The following POLR3B variants were observed in gnomAD, a reference collection of about 807,000 sequenced individuals.
The protein encoded by POLR3B is DNA-directed RNA polymerase III subunit RPC2.
In POLR3B, 96 loss-of-function variants were observed where a neutral mutation model predicts 147.4. That is an observed-to-expected ratio of 0.65 (90% CI 0.55 to 0.77). The LOEUF (loss-of-function observed/expected upper bound fraction) is 0.77, where lower values mean the gene tolerates loss of function less well. POLR3B is among the 30% of genes least tolerant of loss of function. POLR3B has a pLI of 0.00. For missense variants in POLR3B, 1,036 were observed against 1,413.5 expected, an observed-to-expected ratio of 0.73 and a Z score of 4.28; for synonymous variants, 461 against 485.9, an observed-to-expected ratio of 0.95 and a Z score of 0.67.
At chr12:106,490,582 CAACAACA>C in intron 23 of POLR3B, among the ~76,000 whole-genome samples, 1 of 152,148 alleles carries the variant, frequency 6.6e-6, no homozygotes, top group Non-Finnish European at 1.5e-5. Flanking sequence ...GGAAATGATT[CAACAACA>C]GAACAAAGCC....
intron 23 of POLR3B, among the ~76,000 whole-genome samples, chr12:106,490,684 C>T (rs1284946639): frequency 6.6e-6 from 1 of 151,984 alleles, no homozygotes; most frequent in African/African-American, 2.4e-5. Flanking sequence ...GAGGTTAATT[C>T]GATAGCTGGA....
chr12:106,376,534 A>G (rs2036681795), intron 7 of POLR3B, 84 bp downstream of exon 7: 1 of 969,612 alleles, frequency 1.0e-6, no homozygotes, highest in Non-Finnish European at 1.6e-6. Flanking sequence ...TGTCTCAAAA[A>G]CAGTACCAGC....
chr12:106,387,252 T>C (rs1020557191), intron 9 of POLR3B, among the ~76,000 whole-genome samples: 1 of 152,256 alleles, frequency 6.6e-6, no homozygotes, highest in Non-Finnish European at 1.5e-5. Context: ...TTCCCTGTTA[T>C]GAATCTGCAT....
intron 23 of POLR3B, among the ~76,000 whole-genome samples, chr12:106,469,775 G>A (rs1166983976): frequency 6.6e-6 from 1 of 152,164 alleles, no homozygotes; most frequent in Non-Finnish European, 1.5e-5. Context: ...TTGAATATTG[G>A]CGCCTACTCT....
At chr12:106,384,374 A>G (rs1404700583) in intron 9 of POLR3B, among the ~76,000 whole-genome samples, 1 of 152,256 alleles carries the variant, frequency 6.6e-6, no homozygotes, top group African/African-American at 2.4e-5. Context: ...GTTGATCCTC[A>G]GTATTTGCAA....
At chr12:106,478,760 T>C (rs891630389) in intron 23 of POLR3B, among the ~76,000 whole-genome samples, 11 of 152,216 alleles carry the variant, frequency 7.2e-5, no homozygotes, top group South Asian at 2.1e-4. Flanking sequence ...ATGCACATGG[T>C]TTTAAAAGGT....
intron 20 of POLR3B, 124 bp from the exon 21 acceptor site, chr12:106,457,014 T>C: frequency 1.3e-6 from 1 of 793,810 alleles, no homozygotes; most frequent in South Asian, 1.4e-5. Flanking sequence ...TATTATCAAA[T>C]ACAGAGAAGT....
chr12:106,371,263 G>A lies in POLR3B; in HGVS notation c.404+1580G>A, dbSNP rs138348206. Among the ~76,000 whole-genome samples, 45 of 152,252 alleles carry A rather than the reference G, an allele frequency of 3.0e-4. No individual in the cohort carries two copies. In the East Asian group the frequency reaches 8.7e-3, roughly 29 times the overall value. Reference sequence around the variant, plus strand: ...GATACCATCTCACATGAGTTAGAATGGCAATCATTAAAAAGTCAGGAAACA... The same window carrying A: ...GATACCATCTCACATGAGTTAGAATAGCAATCATTAAAAAGTCAGGAAACA... On this transcript the variant is annotated intron_variant, in intron 6 of 27. Transcript: ENST00000228347.
chr12:106,381,649 A>G (rs2036765595), intron 9 of POLR3B, among the ~76,000 whole-genome samples: 3 of 152,132 alleles, frequency 2.0e-5, no homozygotes, highest in Non-Finnish European at 2.9e-5. Flanking sequence ...ACCCCTCAAA[A>G]TCATCCTTGA....
At chr12:106,387,486 A>G (rs78917961) in intron 9 of POLR3B, among the ~76,000 whole-genome samples, 2,744 of 152,198 alleles carry the variant, frequency 0.018, 38 homozygotes, top group Non-Finnish European at 0.027. Context: ...AACTTGGTGC[A>G]TGTTGCCAAT....
chr12:106,462,626 CAGT>C (rs2037954588), intron 22 of POLR3B, among the ~76,000 whole-genome samples: 1 of 152,232 alleles, frequency 6.6e-6, no homozygotes, highest in African/African-American at 2.4e-5. Context: ...GTGTGAACGA[CAGT>C]GGTGCCTGTG....
chr12:106,393,767 TACACAC>T (rs34402190), intron 10 of POLR3B, among the ~76,000 whole-genome samples: 5,074 of 127,982 alleles, frequency 0.04, 189 homozygotes, highest in African/African-American at 0.096. Flanking sequence ...GACTGAGAAA[TACACAC>T]ACACACACAC....
chr12:106,504,376 T>A lies in POLR3B; in HGVS notation c.3272+122T>A. ...TCTGTCTGTGATCACTAACATACCC[T>A]CCCTCATGCATGTATTCCTGTCATT... On this transcript the variant is annotated intron_variant, in intron 27 of 27. Transcript: ENST00000228347. The surrounding 1 kb of genome is among the most constrained non-coding windows in gnomAD (Gnocchi z 4.6). 1.2e-6 allele frequency: 1 copy of A among 802,252 alleles called. No homozygotes were observed. The highest frequency in any genetic ancestry group is 1.4e-5 in the South Asian group (1 of 71,866). The allele number at this position is 802,252 out of a possible 1,614,324, so 49.7% of individuals were successfully genotyped here. A position where few individuals can be genotyped will look rare whatever the true frequency, so the allele number is the denominator to read the frequency against.
At chr12:106,381,233 C>T (rs1373153299) in intron 9 of POLR3B, among the ~76,000 whole-genome samples, 1 of 152,182 alleles carries the variant, frequency 6.6e-6, no homozygotes, top group East Asian at 1.9e-4. Flanking sequence ...ACTCTTCCTT[C>T]ATGAAAGATT....
intron 23 of POLR3B, among the ~76,000 whole-genome samples, chr12:106,488,007 A>G (rs1401020066): frequency 2.0e-5 from 3 of 152,238 alleles, no homozygotes; most frequent in East Asian, 1.9e-4. Context: ...AATAAGCAAC[A>G]TCACCTTCTG....
intron 23 of POLR3B, among the ~76,000 whole-genome samples, chr12:106,494,590 T>C (rs1008950113): frequency 1.3e-5 from 2 of 152,212 alleles, no homozygotes; most frequent in Non-Finnish European, 2.9e-5. Flanking sequence ...TCTTTCAAAG[T>C]AGATTTCCCA....
chr12:106,382,223 C>T (rs751673344), intron 9 of POLR3B, among the ~76,000 whole-genome samples: 32 of 152,304 alleles, frequency 2.1e-4, no homozygotes, highest in African/African-American at 5.5e-4. Flanking sequence ...CACTGTGGGT[C>T]GAACACCTCT....
At chr12:106,448,705 G>A (rs1442475272) in intron 19 of POLR3B, among the ~76,000 whole-genome samples, 1 of 151,684 alleles carries the variant, frequency 6.6e-6, no homozygotes, top group East Asian at 1.9e-4. Flanking sequence ...CTCCCAAAGT[G>A]CTGGGATTAC....
At chr12:106,505,679 C>G (rs187272967) in intron 27 of POLR3B, among the ~76,000 whole-genome samples, 2 of 152,310 alleles carry the variant, frequency 1.3e-5, no homozygotes, top group African/African-American at 4.8e-5. Context: ...TGCCCCTCAC[C>G]TGCCCTCCCC....
Sources: gnomAD v4.1 joint callset for allele counts (sites outside exome capture counted in the v4.1 genomes callset) on GRCh38, gnomAD v4.1.1 for gene constraint, Gnocchi (gnomAD v3.1) non-coding constraint, MANE v1.5 for transcripts, NCBI Gene and HGNC (gene_info 2026-07-23, HGNC 2026-07-21) for gene names.